FAT2: variants seen among roughly 807,000 people sequenced by gnomAD.
The protein encoded by FAT2 is protocadherin Fat 2.
Under a neutral mutation model 295.3 loss-of-function variants are expected in FAT2, and 150 were observed. The ratio of observed to expected loss-of-function variants is 0.51; its 90% CI spans 0.44 to 0.58. FAT2 has a LOEUF of 0.58. FAT2 is among the 20% of genes least tolerant of loss of function. The pLI is 0.00. For missense variants in FAT2, 4,868 were observed against 5,442.7 expected (o/e 0.89, Z 3.32); for synonymous variants, 2,026 against 2,150.3 (o/e 0.94, Z 1.60).
At chr5:151,584,169 A>G (rs7730489) in intron 1 of FAT2, among the ~76,000 whole-genome samples, 4,059 of 152,192 alleles carry the variant, frequency 0.027, 183 homozygotes, top group African/African-American at 0.094. Context: ...CCTAGGAACC[A>G]GGAAGGAGAC....
Position 151,560,575 on chromosome 5 carries a change from G to A in FAT2, c.3574+2750C>T, listed in dbSNP as rs1248229892. 2.0e-5 allele frequency among the ~76,000 whole-genome samples: 3 copies of A among 152,158 alleles called. No individual in the cohort carries two copies. In the East Asian group the frequency reaches 5.8e-4, roughly 29 times the overall value. On this transcript the variant is annotated intron_variant, in intron 3 of 23. Transcript: ENST00000261800. ...ACCCCTGTTCCATGAAGCCCTTGCAGATCCACCACCCAGAGCAGCTTCCTC... is the reference window on the plus strand; with the variant it reads ...ACCCCTGTTCCATGAAGCCCTTGCAAATCCACCACCCAGAGCAGCTTCCTC...
intron 15 of FAT2, among the ~76,000 whole-genome samples, 159 bp downstream of exon 15, chr5:151,529,019 T>C (rs1454664596): frequency 6.6e-6 from 1 of 152,196 alleles, no homozygotes; most frequent in Non-Finnish European, 1.5e-5. Flanking sequence ...TGTTTGGCCA[T>C]ACTCAAATCT....
Position 151,543,451 on chromosome 5 carries a change from G to A in FAT2, c.7676C>T (p.Ala2559Val). 1 of 1,614,106 alleles carries A rather than the reference G, an allele frequency of 6.2e-7. No individual in the cohort carries two copies. Among genetic ancestry groups the A allele is most frequent in the Non-Finnish European group, 8.5e-7 (1 of 1,180,030 alleles). Reference sequence around the variant, plus strand: ...GGCTACTCTTCCTCCTCCATCCCGAGCCATGACCTTAATAGCAATGACTCT... The same window carrying A: ...GGCTACTCTTCCTCCTCCATCCCGAACCATGACCTTAATAGCAATGACTCT... ...TERVIAIKVM[A>V]RDGGGRVAFC... Residue 2559 changes from alanine to valine, a missense_variant, in exon 10 of 24, where the codon GCT becomes GTT. Ala to Val is a moderately conservative substitution (Grantham distance 64, BLOSUM62 0). Around this residue, in one of 5 missense-constraint regions of FAT2, gnomAD observed 3,297 missense variants for 3,669.4 expected, o/e 0.90. Transcript: ENST00000261800.
intron 3 of FAT2, 48 bp from the exon 4 acceptor site, chr5:151,556,450 G>T (rs1250038332): frequency 2.2e-6 from 3 of 1,365,936 alleles, no homozygotes; most frequent in Admixed American, 1.9e-5. Flanking sequence ...GACTTTCAGG[G>T]CCACTTTACT....
chr5:151,507,709 A>C, intron 22 of FAT2, 98 bp from the exon 23 acceptor site: 3 of 1,112,776 alleles, frequency 2.7e-6, no homozygotes, highest in Non-Finnish European at 3.7e-6. Flanking sequence ...TCCCCCCAAA[A>C]CCTACCATCT....
At position 151,574,833 on chromosome 5, in the gene FAT2, A is replaced by T. The variant is rs535992858; in HGVS notation, c.-20-5882T>A. ...CCACTGTCAGATTCTCATATAACAA[A>T]ACAACTGGATGTGGCCAGGAGAGGA... On this transcript the variant is annotated intron_variant, in intron 1 of 23. Coordinates refer to ENST00000261800, the MANE Select transcript of FAT2 (RefSeq NM_001447.3). Among the ~76,000 whole-genome samples the T allele has an allele frequency of 5.0e-4, 60 of 119,584 alleles. No individual in the cohort carries two copies. In the South Asian group the frequency reaches 0.015, roughly 29 times the overall value. The allele number at this position is 119,584 out of a possible 152,430, so 78.5% of individuals were successfully genotyped here. A position where few individuals can be genotyped will look rare whatever the true frequency, so the allele number is the denominator to read the frequency against.
rs201312210 is a variant in FAT2, at chr5:151,566,297, C to G, written c.2635G>C (p.Gly879Arg). 1 of 1,614,126 alleles carries G rather than the reference C, an allele frequency of 6.2e-7. No homozygotes were observed. The highest frequency in any genetic ancestry group is 2.2e-5 in the East Asian group (1 of 44,884). ...GGCTCTGATTCGCGGTCCAGGTGTC[C>G]TGTAACAACCAGTTCCCCAGTGAGA... ...HPLTGELVVT[G>R]HLDRESEPRY... The change falls in exon 2 of 24, where the codon GGA (glycine) becomes CGA (arginine). Residue 879 changes from glycine to arginine, a missense_variant. By Grantham distance (125) the Gly-to-Arg change is moderately radical. Coordinates refer to ENST00000261800, the MANE Select transcript of FAT2 (RefSeq NM_001447.3).
At chr5:151,555,064 A>G (rs1757564727) in intron 4 of FAT2, among the ~76,000 whole-genome samples, 1 of 152,224 alleles carries the variant, frequency 6.6e-6, no homozygotes, top group Non-Finnish European at 1.5e-5. Context: ...TGAGGGAATG[A>G]GTGGTACTTT....
intron 1 of FAT2, among the ~76,000 whole-genome samples, chr5:151,579,804 A>G (rs1359118771): frequency 6.6e-6 from 1 of 152,200 alleles, no homozygotes; most frequent in Non-Finnish European, 1.5e-5. Context: ...AGGTAGAACT[A>G]GATGGTGCCT....
At chr5:151,558,989 GA>G (rs1757904408) in intron 3 of FAT2, among the ~76,000 whole-genome samples, 1 of 152,232 alleles carries the variant, frequency 6.6e-6, no homozygotes, top group Non-Finnish European at 1.5e-5. Flanking sequence ...TGGAACATCT[GA>G]ACACTTTCAC....
intron 3 of FAT2, among the ~76,000 whole-genome samples, chr5:151,557,191 T>C (rs910908082): frequency 2.0e-5 from 3 of 152,158 alleles, no homozygotes; most frequent in Non-Finnish European, 4.4e-5. Context: ...CTATGGAACA[T>C]GTTTGCATCT....
chr5:151,543,074 T>C lies in FAT2; in HGVS notation c.8053A>G (p.Lys2685Glu). ...VPVRLQVVPKKVSLPKFSEPL... is the reference protein window; with the variant it reads ...VPVRLQVVPKEVSLPKFSEPL... ...TCAGAAAATTTCGGTAAGGATACTT[T>C]TTTAGGAACCACCTGAAGTCGTACT... The change falls in exon 10 of 24, where the codon AAA (lysine) becomes GAA (glutamate). Residue 2685 changes from lysine (K) to glutamate (E), a missense_variant. Physicochemically the swap from Lys to Glu is moderately conservative, Grantham distance 56. This residue lies in a region of FAT2 where 3,297 missense variants were observed against 3,669.4 expected (regional missense o/e 0.90). Transcript: ENST00000261800. The C allele has an allele frequency of 6.2e-7, 1 of 1,614,162 alleles. No homozygotes were observed. Among genetic ancestry groups the C allele is most frequent in the Non-Finnish European group, 8.5e-7 (1 of 1,180,024 alleles).
rs1757107914 is a variant in FAT2 at position 151,550,627 on chromosome 5, A to C, written c.4541T>G (p.Leu1514Arg). Residue 1514 changes from leucine to arginine, a missense_variant, in exon 8 of 24, where the codon CTC (leucine) becomes CGC (arginine). Leu to Arg is a moderately radical substitution (Grantham distance 102). Transcript: ENST00000261800. The part of the protein sequence containing the change: ...GVLVTVGKLD[L>R]GSGPSQHTLT... ...TGTGTGCTGGGAGGGCCCCGAGCCGAGGTCCAATTTTCCCACCGTTACCAG... is the reference window on the plus strand; with the variant it reads ...TGTGTGCTGGGAGGGCCCCGAGCCGCGGTCCAATTTTCCCACCGTTACCAG... 1 of 1,614,154 alleles carries C rather than the reference A, an allele frequency of 6.2e-7. No individual in the cohort carries two copies. Among genetic ancestry groups the C allele is most frequent in the Non-Finnish European group, 8.5e-7 (1 of 1,180,042 alleles).
chr5:151,580,955 C>T (rs1032470205), intron 1 of FAT2, among the ~76,000 whole-genome samples: 6 of 152,074 alleles, frequency 3.9e-5, no homozygotes, highest in African/African-American at 1.4e-4. Context: ...AATACTGTTC[C>T]TCTTAACTGC....
chr5:151,525,973 C>T lies in FAT2; in HGVS notation c.10309-8G>A, dbSNP rs375782201. ...GCCAATGGGGGAGTTCTCCTGAGAC[C>T]GAGAGTGACAAAGAAGGCAAAGAGC... is the stretch of plus-strand genomic sequence containing the variant. On this transcript the variant is annotated splice_region_variant and splice_polypyrimidine_tract_variant and intron_variant, in intron 17 of 23. Coordinates refer to ENST00000261800, the MANE Select transcript of FAT2 (RefSeq NM_001447.3). 9 of 1,613,358 alleles carry T rather than the reference C, an allele frequency of 5.6e-6. No individual in the cohort carries two copies. The highest frequency in any genetic ancestry group is 1.3e-5 in the African/African-American group (1 of 74,884).
At position 151,512,998 on chromosome 5, in the gene FAT2, C is replaced by T. The variant is rs1347534063; in HGVS notation, c.11464-392G>A. Among the ~76,000 whole-genome samples the T allele has an allele frequency of 6.6e-6, 1 of 152,210 alleles. No individual in the cohort carries two copies. Among genetic ancestry groups the T allele is most frequent in the Non-Finnish European group, 1.5e-5 (1 of 68,032 alleles). On this transcript the variant is annotated intron_variant, in intron 20 of 23. Coordinates refer to ENST00000261800, the MANE Select transcript of FAT2 (RefSeq NM_001447.3). This position sits in a 1 kb window ranked among gnomAD's most constrained non-coding sequence, Gnocchi z 4.1. Reference sequence around the variant, plus strand: ...CTCCCACTCCCACTTCCTTATTCAACAGCTTAGCAGTTCTCAAAGTAGGTC... The same window carrying T: ...CTCCCACTCCCACTTCCTTATTCAATAGCTTAGCAGTTCTCAAAGTAGGTC...
chr5:151,515,298 G>A (rs1210557580), intron 20 of FAT2, among the ~76,000 whole-genome samples: 1 of 152,112 alleles, frequency 6.6e-6, no homozygotes, highest in Non-Finnish European at 1.5e-5. Context: ...TCTTCCCCCA[G>A]ACCTGCTAAT....
chr5:151,579,460 T>G (rs2127658779), intron 1 of FAT2, among the ~76,000 whole-genome samples: 1 of 152,222 alleles, frequency 6.6e-6, no homozygotes, highest in Non-Finnish European at 1.5e-5. Context: ...TAATCCTAGC[T>G]ACTCAGGAGG....
chr5:151,570,355 G>A (rs891277415), intron 1 of FAT2, among the ~76,000 whole-genome samples: 3 of 152,224 alleles, frequency 2.0e-5, no homozygotes, highest in African/African-American at 7.2e-5. Context: ...TTCTGTCCCT[G>A]CTTTTCATCA....
Sources: allele counts gnomAD v4.1 joint callset (sites outside exome capture counted in the v4.1 genomes callset), GRCh38; gene constraint gnomAD v4.1.1; regional missense constraint gnomAD v4.1.1; non-coding constraint Gnocchi (gnomAD v3.1); transcripts MANE v1.5; gene names NCBI Gene and HGNC (gene_info 2026-07-23, HGNC 2026-07-21).